The following PAM variants were observed in gnomAD, a reference collection of about 807,000 sequenced individuals.
PAM encodes the protein peptidylglycine alpha-amidating monooxygenase, also known as peptidyl-glycine alpha-amidating monooxygenase.
A neutral mutation model predicts 122.1 loss-of-function variants in PAM; 72 were observed. The ratio of observed to expected loss-of-function variants is 0.59; its 90% CI spans 0.49 to 0.72. The LOEUF (loss-of-function observed/expected upper bound fraction) is 0.72. Ranked by LOEUF, PAM falls within the 30% of genes least tolerant of loss-of-function variation. PAM has a pLI of 0.00. For missense variants in PAM, 1,106 were observed against 1,183.7 expected (o/e 0.93, Z 0.96); for synonymous variants, 389 against 404.4 (o/e 0.96, Z 0.46).
chr5:102,965,684 A>T (rs966230396), intron 14 of PAM, among the ~76,000 whole-genome samples: 1 of 152,032 alleles, frequency 6.6e-6, no homozygotes, highest in African/African-American at 2.4e-5. Context: ...CTTTCTACTC[A>T]AAGGTCAGCA....
chr5:102,941,651 G>T (rs557138480), intron 7 of PAM, among the ~76,000 whole-genome samples: 62 of 151,978 alleles, frequency 4.1e-4, no homozygotes, highest in African/African-American at 1.5e-3. Flanking sequence ...CTCAGGACTG[G>T]TAACTCAGAT....
At chr5:103,016,472 A>G (rs1326383553) in intron 21 of PAM, among the ~76,000 whole-genome samples, 2 of 152,310 alleles carry the variant, frequency 1.3e-5, no homozygotes, top group Middle Eastern at 3.4e-3. Context: ...GCCAACTGCC[A>G]GACCCAGGGC....
intron 3 of PAM, among the ~76,000 whole-genome samples, chr5:102,893,419 A>G (rs1448831701): frequency 6.6e-6 from 1 of 151,762 alleles, no homozygotes; most frequent in African/African-American, 2.4e-5. Context: ...GGAACCAAAT[A>G]TGATTTATGT....
intron 5 of PAM, among the ~76,000 whole-genome samples, chr5:102,921,426 A>G (rs183300552): frequency 5.3e-5 from 8 of 152,194 alleles, no homozygotes; most frequent in Admixed American, 4.6e-4. Context: ...AAATGGAAAT[A>G]TTTACCACTC....
intron 1 of PAM, among the ~76,000 whole-genome samples, chr5:102,858,595 C>G (rs1464769287): frequency 6.6e-6 from 1 of 152,160 alleles, no homozygotes; most frequent in African/African-American, 2.4e-5. Flanking sequence ...CAAAACATTA[C>G]CTAACTTTCA....
At chr5:102,832,942 C>T (rs1479932075) in intron 1 of PAM, among the ~76,000 whole-genome samples, 1 of 152,134 alleles carries the variant, frequency 6.6e-6, no homozygotes, top group Non-Finnish European at 1.5e-5. Flanking sequence ...GACTGTTTGA[C>T]TTCACTTAGA....
rs933035508 is a variant in PAM at position 102,852,037 on chromosome 5, T to C, written c.-373-13786T>C. 5.3e-5 allele frequency among the ~76,000 whole-genome samples: 8 copies of C among 152,220 alleles called. No individual in the cohort carries two copies. In the South Asian group the frequency reaches 6.2e-4, roughly 12 times the overall value. ...CAACATATTCTTATTTTCCTAGATA[T>C]ATACCCAGCATAACCAATGTGGAAG... On this transcript the variant is annotated intron_variant, in intron 1 of 25. Transcript: ENST00000438793.
chr5:102,786,795 T>C (rs971856899), intron 1 of PAM, among the ~76,000 whole-genome samples: 2 of 152,170 alleles, frequency 1.3e-5, no homozygotes. Context: ...AATAATTTAC[T>C]TGAAAAGAAA....
intron 5 of PAM, among the ~76,000 whole-genome samples, chr5:102,921,151 C>T (rs1581711579): frequency 1.3e-5 from 2 of 152,094 alleles, no homozygotes; most frequent in East Asian, 1.9e-4. Flanking sequence ...ATTTAATCGA[C>T]TTAGTCTGGA....
chr5:102,933,350 C>G (rs1484404449), intron 7 of PAM, among the ~76,000 whole-genome samples: 2 of 152,192 alleles, frequency 1.3e-5, no homozygotes, highest in Non-Finnish European at 2.9e-5. Context: ...AAAACATGAT[C>G]ATCTGGAAAA....
Position 102,960,069 on chromosome 5 carries a change from G to A in PAM, c.1090+10G>A. 7.0e-7 allele frequency: 1 copy of A among 1,434,958 alleles called. No individual in the cohort carries two copies. Among genetic ancestry groups the A allele is most frequent in the Non-Finnish European group, 9.7e-7 (1 of 1,034,054 alleles). 88.9% of individuals were successfully genotyped at this position (1,434,958 alleles called of 1,614,324 possible). ...CATGAACATCATAAAGGTAATAATT[G>A]ATGTTTAATATAAAGTAATATATGA... On this transcript the variant is annotated intron_variant, in intron 13 of 25. Coordinates refer to ENST00000438793, the MANE Select transcript of PAM (RefSeq NM_001177306.2).
chr5:102,867,440 C>G, intron 3 of PAM, 47 bp downstream of exon 3: 1 of 1,468,478 alleles, frequency 6.8e-7, no homozygotes, highest in South Asian at 1.2e-5. Flanking sequence ...TGGATACAAT[C>G]TATAATTAAA....
In PAM at chr5:103,006,802, T is replaced by G; in HGVS notation, c.1805T>G (p.Val602Gly). 6.2e-7 allele frequency: 1 copy of G among 1,607,126 alleles called. No homozygotes were observed. Among genetic ancestry groups the G allele is most frequent in the South Asian group, 1.1e-5 (1 of 90,418 alleles). ...AGGCTTTTGTTCCTTTTTAAAAAGG[T>G]GTTCAAACTGGATCCAAACAATAAA... ...YWVTDVALHQ[V>G]FKLDPNNKEG... Residue 602 changes from valine to glycine, a missense_variant and splice_region_variant, in exon 19 of 26, where the codon GTG becomes GGG. Transcript: ENST00000438793.
intron 1 of PAM, among the ~76,000 whole-genome samples, chr5:102,786,520 T>G (rs1266454352): frequency 6.6e-6 from 1 of 152,184 alleles, no homozygotes; most frequent in Non-Finnish European, 1.5e-5. Flanking sequence ...CTGTTAGTTT[T>G]ATGAACTGCT....
intron 15 of PAM, among the ~76,000 whole-genome samples, chr5:102,989,099 A>G (rs911819670): frequency 6.6e-6 from 1 of 152,190 alleles, no homozygotes; most frequent in Non-Finnish European, 1.5e-5. Context: ...GGACAGAAAT[A>G]TCAACGCTGA....
At chr5:102,755,470 G>T (rs1749841704) in intron 1 of PAM, 122 bp downstream of exon 1, 2 of 144,866 alleles carry the variant, frequency 1.4e-5, no homozygotes, top group South Asian at 2.3e-4. Flanking sequence ...GCCCCAGGAG[G>T]TTGTTGCTTT....
chr5:102,957,396 C>T (rs1249091583), intron 12 of PAM, among the ~76,000 whole-genome samples: 3 of 152,130 alleles, frequency 2.0e-5, no homozygotes, highest in African/African-American at 7.2e-5. Context: ...TATCCACGCC[C>T]CCCACCCCAC....
intron 1 of PAM, among the ~76,000 whole-genome samples, chr5:102,847,732 G>A (rs993688258): frequency 5.3e-5 from 8 of 152,038 alleles, no homozygotes; most frequent in African/African-American, 1.7e-4. Context: ...CAGATGATAA[G>A]GGGCAAAATT....
chr5:102,955,630 AAAT>A (rs1365464962), intron 12 of PAM, among the ~76,000 whole-genome samples: 2 of 152,114 alleles, frequency 1.3e-5, no homozygotes. Context: ...CAAGAAGATG[AAAT>A]AAATGCACTA....
Sources: gnomAD v4.1 joint callset for allele counts (sites outside exome capture counted in the v4.1 genomes callset) on GRCh38, gnomAD v4.1.1 for gene constraint, MANE v1.5 for transcripts, NCBI Gene and HGNC (gene_info 2026-07-23, HGNC 2026-07-21) for gene names.